DNAH3: variants seen among roughly 807,000 people sequenced by gnomAD.
The protein encoded by DNAH3 is axonemal beta dynein heavy chain 3.
Under a neutral mutation model 432.5 loss-of-function variants are expected in DNAH3, and 332 were observed. The observed-to-expected ratio is 0.77, with a 90% confidence interval of 0.70 to 0.84. DNAH3 has a LOEUF of 0.84. Ranked by LOEUF, DNAH3 falls within the 40% of genes least tolerant of loss-of-function variation. The pLI is 0.00. For missense variants in DNAH3, 4,861 were observed against 5,114.0 expected, an observed-to-expected ratio of 0.95 and a Z score of 1.51; for synonymous variants, 1,956 against 1,900.2, an observed-to-expected ratio of 1.03 and a Z score of -0.76.
chr16:21,111,904 G>A, intron 13 of DNAH3, 89 bp downstream of exon 13: 2 of 1,548,778 alleles, frequency 1.3e-6, no homozygotes, highest in Non-Finnish European at 1.8e-6. Flanking sequence ...TGCTGAGCAT[G>A]GTCTATGCAC....
At chr16:20,979,711 G>A (rs2085766991) in intron 49 of DNAH3, among the ~76,000 whole-genome samples, 165 bp from the exon 50 acceptor site, 2 of 152,168 alleles carry the variant, frequency 1.3e-5, no homozygotes, top group South Asian at 4.1e-4. Flanking sequence ...GGCAGAGAAG[G>A]ATGGGGCAGG....
intron 19 of DNAH3, among the ~76,000 whole-genome samples, chr16:21,086,302 AAGG>A (rs766729358): frequency 1.3e-5 from 2 of 152,194 alleles, no homozygotes; most frequent in Non-Finnish European, 2.9e-5. Flanking sequence ...AGCTATTTTT[AAGG>A]AGAATATTTA....
At chr16:21,061,102 G>C (rs2090343451) in intron 25 of DNAH3, among the ~76,000 whole-genome samples, 1 of 151,116 alleles carries the variant, frequency 6.6e-6, no homozygotes, top group South Asian at 2.1e-4. Flanking sequence ...GCCTCCCAAA[G>C]TGCTGGGATT....
chr16:21,027,521 G>A (rs2152719998), intron 37 of DNAH3, among the ~76,000 whole-genome samples: 1 of 152,334 alleles, frequency 6.6e-6, no homozygotes, highest in African/African-American at 2.4e-5. Flanking sequence ...TTAAAAAAAT[G>A]TGTATAGGGA....
chr16:20,975,431 G>A lies in DNAH3; in HGVS notation c.8077-16C>T, dbSNP rs1275861962. 1 of 1,609,222 alleles carries A rather than the reference G, an allele frequency of 6.2e-7. No individual in the cohort carries two copies. The highest frequency in any genetic ancestry group is 1.1e-5 in the South Asian group (1 of 90,078). ...TAACCGCTACCTAGCAAGGAGAGAG[G>A]TGGGAGAAATCCAGGGTCAGCACTG... On this transcript the variant is annotated splice_polypyrimidine_tract_variant and intron_variant, in intron 50 of 61. Transcript: ENST00000261383.
intron 14 of DNAH3, among the ~76,000 whole-genome samples, chr16:21,109,863 T>G (rs1240496615): frequency 6.6e-6 from 1 of 152,004 alleles, no homozygotes; most frequent in African/African-American, 2.4e-5. Flanking sequence ...CTCAGCCTCT[T>G]GAGTAGCTGG....
intron 58 of DNAH3, among the ~76,000 whole-genome samples, chr16:20,942,305 T>C (rs1346138200): frequency 1.3e-5 from 2 of 152,130 alleles, no homozygotes; most frequent in South Asian, 2.1e-4. Flanking sequence ...TTCTTCAGCA[T>C]TGGAGCAAGA....
intron 23 of DNAH3, among the ~76,000 whole-genome samples, chr16:21,068,988 G>T (rs77871434): frequency 0.095 from 14,370 of 151,664 alleles, 810 homozygotes; most frequent in South Asian, 0.19. Flanking sequence ...GCAGTGGCAC[G>T]ATCCCAGGTC....
At chr16:21,142,376 T>C (rs557422354) in intron 3 of DNAH3, among the ~76,000 whole-genome samples, 10 of 152,096 alleles carry the variant, frequency 6.6e-5, no homozygotes, top group Non-Finnish European at 1.2e-4. Flanking sequence ...TCAAAAAATA[T>C]ACATACATAC....
intron 37 of DNAH3, among the ~76,000 whole-genome samples, chr16:21,030,782 G>A (rs2088829813): frequency 6.6e-6 from 1 of 152,156 alleles, no homozygotes; most frequent in Admixed American, 6.5e-5. Flanking sequence ...CAGTTGCAGG[G>A]CTAGGAGTCC....
chr16:21,052,146 C>A (rs187354917), intron 28 of DNAH3, among the ~76,000 whole-genome samples: 1 of 152,224 alleles, frequency 6.6e-6, no homozygotes, highest in East Asian at 1.9e-4. Context: ...CGCACGCCAC[C>A]ACACCTGGCT....
chr16:20,951,275 C>T (rs575497050), intron 56 of DNAH3, among the ~76,000 whole-genome samples: 15 of 152,048 alleles, frequency 9.9e-5, no homozygotes, highest in Admixed American at 3.9e-4. Flanking sequence ...CTATGCCCCA[C>T]CCAGTCCATT....
chr16:21,009,789 C>T lies in DNAH3; in HGVS notation c.6023-6582G>A, dbSNP rs568456434. Among the ~76,000 whole-genome samples, 24 of 151,992 alleles carry T rather than the reference C, an allele frequency of 1.6e-4. No individual in the cohort carries two copies. In the South Asian group the frequency reaches 4.6e-3, roughly 29 times the overall value. Reference sequence around the variant, plus strand: ...GCTACTTGGGAGGCTGAGGTGGGATCACCTGGGCCTGGGGCACTAAGACTG... The same window carrying T: ...GCTACTTGGGAGGCTGAGGTGGGATTACCTGGGCCTGGGGCACTAAGACTG... On this transcript the variant is annotated intron_variant, in intron 41 of 61. Coordinates refer to ENST00000261383, the Ensembl canonical transcript of DNAH3.
exon 53 of DNAH3, chr16:20,965,329 G>A (rs754135663): frequency 7.5e-6 from 12 of 1,607,266 alleles, no homozygotes; most frequent in Non-Finnish European, 1.0e-5. Flanking sequence ...GGTCAGTGGG[G>A]GGATGTTGTC....
chr16:20,951,713 G>A (rs1179062728), intron 56 of DNAH3, among the ~76,000 whole-genome samples: 2 of 149,562 alleles, frequency 1.3e-5, no homozygotes, highest in African/African-American at 2.5e-5. Context: ...GGGATTACAG[G>A]CATGATCCAC....
intron 42 of DNAH3, among the ~76,000 whole-genome samples, chr16:21,002,093 A>T (rs2087047844): frequency 1.3e-5 from 2 of 152,216 alleles, no homozygotes; most frequent in South Asian, 4.2e-4. Flanking sequence ...TGCTTGACAC[A>T]TCCTTACACA....
intron 5 of DNAH3, among the ~76,000 whole-genome samples, chr16:21,138,091 T>G (rs1378509353): frequency 6.6e-6 from 1 of 151,564 alleles, no homozygotes; most frequent in Non-Finnish European, 1.5e-5. Context: ...CTACTAAAAA[T>G]ACAAAAATCA....
At chr16:21,081,764 G>C (rs752367217) in intron 19 of DNAH3, 37 bp from the exon 20 acceptor site, 1 of 1,565,546 alleles carries the variant, frequency 6.4e-7, no homozygotes, top group Non-Finnish European at 8.8e-7. Flanking sequence ...TTTGTTGTCC[G>C]AGGCAGTGCT....
chr16:21,065,497 G>T (rs1169321443), intron 24 of DNAH3, among the ~76,000 whole-genome samples: 1 of 152,092 alleles, frequency 6.6e-6, no homozygotes, highest in African/African-American at 2.4e-5. Context: ...ACAGGAGTGG[G>T]TCTAGAACTA....
Sources: gnomAD v4.1 joint callset for allele counts (sites outside exome capture counted in the v4.1 genomes callset) on GRCh38, gnomAD v4.1.1 for gene constraint, MANE v1.5 for transcripts, NCBI Gene and HGNC (gene_info 2026-07-23, HGNC 2026-07-21) for gene names.